Variants in F7 observed in about 807,000 individuals in gnomAD.
F7 encodes the protein FVII coagulation protein.
In F7, 38 loss-of-function variants were observed where a neutral mutation model predicts 47.5. That is an observed-to-expected ratio of 0.80 (90% CI 0.62 to 1.05). The LOEUF (loss-of-function observed/expected upper bound fraction) is 1.05. Among genes scored for constraint, F7 ranks in the 50% least tolerant of loss-of-function variants. F7 has a pLI of 0.00. For synonymous variants in F7, 244 were observed against 258.5 expected (o/e 0.94, Z 0.54); for missense variants, 575 against 605.4 (o/e 0.95, Z 0.53).
chr13:113,115,174 G>A (rs2036172358), intron 4 of F7, among the ~76,000 whole-genome samples: 1 of 152,180 alleles, frequency 6.6e-6, no homozygotes, highest in Admixed American at 6.5e-5. Context: ...TGCTTCTTCT[G>A]TCTGAGCCCA....
rs1378234719 is a variant in F7 at position 113,110,959 on chromosome 13, C to G, written c.225+109C>G. The G allele has an allele frequency of 9.4e-6, 12 of 1,270,814 alleles. No homozygotes were observed. The African/African-American group carries it at 9.6e-5, about 10-fold the overall frequency. 78.7% of individuals were successfully genotyped at this position (1,270,814 alleles called of 1,614,324 possible). A position where few individuals can be genotyped will look rare whatever the true frequency, so the allele number is the denominator to read the frequency against. ...TGGCTGCGGCTGTGGGCGGCGAACA[C>G]GCAGCGGCGCCCGCGCGGCGCTTTC... On this transcript the variant is annotated intron_variant, in intron 2 of 7. Coordinates refer to ENST00000346342, the MANE Select transcript of F7 (RefSeq NM_019616.4).
In F7 at chr13:113,113,980, C is replaced by T. The variant is rs368627583; in HGVS notation, c.364+20C>T. 1.9e-6 allele frequency: 3 copies of T among 1,613,306 alleles called. No homozygotes were observed. In the East Asian group the frequency reaches 6.7e-5, roughly 36 times the overall value. Reference sequence around the variant, plus strand: ...AGACGCGTAAGGCCCCACTTTGGGTCCCATATTTGCAGAGGGCCCTGGGGA... The same window carrying T: ...AGACGCGTAAGGCCCCACTTTGGGTTCCATATTTGCAGAGGGCCCTGGGGA... On this transcript the variant is annotated intron_variant, in intron 4 of 7. Coordinates refer to ENST00000346342, the MANE Select transcript of F7 (RefSeq NM_019616.4). The surrounding 1 kb of genome is among the most constrained non-coding windows in gnomAD (Gnocchi z 4.1).
rs2036280195 is a variant in F7, at chr13:113,120,210, G to A, written c.*1202G>A. 6.6e-6 allele frequency: 1 copy of A among 152,200 alleles called. No homozygotes were observed. Among genetic ancestry groups the A allele is most frequent in the Admixed American group, 6.5e-5 (1 of 15,282 alleles). The allele number at this position is 152,200 out of a possible 1,614,324, so 9.4% of individuals were successfully genotyped here. A position where few individuals can be genotyped will look rare whatever the true frequency, so the allele number is the denominator to read the frequency against. On this transcript the variant is annotated 3_prime_UTR_variant, in exon 8 of 8. Transcript: ENST00000346342. ...CTCCCAGGATCCTGTGGAATTGGAT[G>A]TTCTCTCCCTGCCACAGCCCTTGTC...
intron 1 of F7, among the ~76,000 whole-genome samples, chr13:113,106,265 G>A (rs903586924): frequency 6.4e-5 from 8 of 125,932 alleles, no homozygotes; most frequent in Non-Finnish European, 1.2e-4. Flanking sequence ...GGGAGCACAG[G>A]TAGGGGACGG....
chr13:113,108,640 G>T (rs202106640), intron 1 of F7, among the ~76,000 whole-genome samples: 8 of 121,738 alleles, frequency 6.6e-5, no homozygotes, highest in African/African-American at 2.4e-4. Context: ...CCGGGGGCGT[G>T]GGTGTCCCGG....
In F7 at chr13:113,115,913, T is replaced by C; in HGVS notation, c.505+113T>C. On this transcript the variant is annotated intron_variant, in intron 5 of 7. Transcript: ENST00000346342. ...GGCTTCACATCTACTGAGCACTAAC[T>C]ATGCACTGACCAATTGTGAGGTGGG... 4 of 1,448,374 alleles carry C rather than the reference T, an allele frequency of 2.8e-6. No individual in the cohort carries two copies. In the South Asian group the frequency reaches 4.7e-5, roughly 17 times the overall value. The allele number at this position is 1,448,374 out of a possible 1,614,324, so 89.7% of individuals were successfully genotyped here. A position where few individuals can be genotyped will look rare whatever the true frequency, so the allele number is the denominator to read the frequency against.
chr13:113,114,209 C>A (rs1371372935), intron 4 of F7, among the ~76,000 whole-genome samples: 1 of 152,184 alleles, frequency 6.6e-6, no homozygotes, highest in East Asian at 1.9e-4. Flanking sequence ...GGGCAATTCT[C>A]AGCCCTCGAG....
Position 113,105,927 on chromosome 13 carries a change from C to G in F7, c.64+22C>G, listed in dbSNP as rs368193118. The stretch of plus-strand genomic sequence containing the variant: ...GCAGGTGCGTCCGGGGAGGTTTTCT[C>G]CATAAACTTGGTGGAAGGGCAGTGG... On this transcript the variant is annotated intron_variant, in intron 1 of 7. Transcript: ENST00000346342. 4.5e-5 allele frequency: 70 copies of G among 1,567,934 alleles called. No homozygotes were observed. The Middle Eastern group carries it at 1.0e-3, about 23-fold the overall frequency.
intron 5 of F7, among the ~76,000 whole-genome samples, chr13:113,116,046 G>A (rs3093244): frequency 2.2e-3 from 335 of 152,344 alleles, no homozygotes; most frequent in African/African-American, 7.7e-3. Context: ...AGGCAGACCA[G>A]GGGAGCCAAG....
intron 5 of F7, 100 bp downstream of exon 5, chr13:113,115,900 A>ACTGAGCACT: frequency 6.6e-7 from 1 of 1,513,748 alleles, no homozygotes; most frequent in African/African-American, 1.4e-5. Context: ...CTTCACATCT[A>ACTGAGCACT]CTGAGCACTA....
Position 113,118,513 on chromosome 13 carries a change from C to T in F7, c.840C>T (p.Asp280=), listed in dbSNP as rs1278584802. The T allele has an allele frequency of 5.0e-6, 8 of 1,611,514 alleles. No individual in the cohort carries two copies. Among genetic ancestry groups the T allele is most frequent in the Non-Finnish European group, 5.1e-6 (6 of 1,179,902 alleles). The part of the protein sequence containing the change: ...STYVPGTTNH[D]IALLRLHQPV... ...ACGTCCCGGGCACCACCAACCACGA[C>T]ATCGCGCTGCTCCGCCTGCACCAGC... Residue 280 remains aspartate, a synonymous_variant, in exon 8 of 8, where the codon GAC becomes GAT. Transcript: ENST00000346342.
intron 1 of F7, among the ~76,000 whole-genome samples, chr13:113,108,721 GT>G (rs1218261401): frequency 1.4e-3 from 162 of 115,882 alleles, no homozygotes; most frequent in Non-Finnish European, 1.6e-3. Context: ...TGTCCCGGGG[GT>G]CGTGGGTGTC....
At position 113,115,716 on chromosome 13, in the gene F7, A is replaced by C; in HGVS notation, c.421A>C (p.Ser141Arg). Residue 141 changes from serine (S) to arginine (R), a missense_variant, in exon 5 of 8, where the codon AGT becomes CGT. Transcript: ENST00000346342. ...NENGGCEQYC[S>R]DHTGTKRSCR... ...GAACGGCGGCTGTGAGCAGTACTGC[A>C]GTGACCACACGGGCACCAAGCGCTC... The C allele has an allele frequency of 6.2e-7, 1 of 1,613,120 alleles. No individual in the cohort carries two copies.
intron 2 of F7, 32 bp downstream of exon 2, chr13:113,110,882 G>T: frequency 6.5e-7 from 1 of 1,548,516 alleles, no homozygotes; most frequent in Non-Finnish European, 8.7e-7. Context: ...CCCGCGCCGC[G>T]GACACTGCAG....
At chr13:113,111,618 G>A (rs1248013792) in intron 2 of F7, among the ~76,000 whole-genome samples, 2 of 122,678 alleles carry the variant, frequency 1.6e-5, no homozygotes, top group African/African-American at 6.4e-5. Context: ...ACCTCACACA[G>A]GGCACACTTC....
intron 1 of F7, among the ~76,000 whole-genome samples, chr13:113,108,687 G>T: frequency 7.6e-6 from 1 of 131,072 alleles, no homozygotes; most frequent in South Asian, 2.8e-4. Context: ...TATCCCAGAA[G>T]TGTGAGTGTC....
chr13:113,115,421 C>T (rs1290418024), intron 4 of F7, among the ~76,000 whole-genome samples: 2 of 152,186 alleles, frequency 1.3e-5, no homozygotes, highest in African/African-American at 2.4e-5. Flanking sequence ...CAAATGCAAC[C>T]GCAGCCAGCA....
intron 1 of F7, among the ~76,000 whole-genome samples, chr13:113,106,322 C>T (rs1324854383): frequency 3.3e-5 from 1 of 30,242 alleles, no homozygotes; most frequent in Non-Finnish European, 5.7e-5. Context: ...GTGTGGGAAA[C>T]GGCATGTGGG....
intron 2 of F7, among the ~76,000 whole-genome samples, chr13:113,111,981 T>A (rs2036107010): frequency 8.5e-6 from 1 of 118,210 alleles, no homozygotes. Context: ...ACAGGACACC[T>A]CACACTCAGG....
Sources: gnomAD v4.1 joint callset for allele counts (sites outside exome capture counted in the v4.1 genomes callset) on GRCh38, gnomAD v4.1.1 for gene constraint, Gnocchi (gnomAD v3.1) non-coding constraint, MANE v1.5 for transcripts, NCBI Gene and HGNC (gene_info 2026-07-23, HGNC 2026-07-21) for gene names.